The following PDE8B variants were observed in gnomAD, a reference collection of about 807,000 sequenced individuals.
PDE8B encodes phosphodiesterase 8B.
In PDE8B, 26 loss-of-function variants were observed where a neutral mutation model predicts 101.3. The observed-to-expected ratio is 0.26, with a 90% confidence interval of 0.19 to 0.36. PDE8B has a LOEUF of 0.36. Among genes scored for constraint, PDE8B ranks in the 10% least tolerant of loss-of-function variants. The probability of loss-of-function intolerance (pLI) is 1.00; values close to 1 mark genes in which losing one functional copy is unlikely to be tolerated. For synonymous variants in PDE8B, 424 were observed against 429.3 expected, an observed-to-expected ratio of 0.99 and a Z score of 0.15; for missense variants, 810 against 1,163.1, an observed-to-expected ratio of 0.70 and a Z score of 4.42.
chr5:77,150,523 A>G, the PDE8B span, among the ~76,000 whole-genome samples: 1 of 152,162 alleles, frequency 6.6e-6, no homozygotes, highest in Non-Finnish European at 1.5e-5. Context: ...AACCCAAACT[A>G]AGGCAGTTTG....
At chr5:77,127,761 GAGA>G in the PDE8B span, among the ~76,000 whole-genome samples, 2 of 152,074 alleles carry the variant, frequency 1.3e-5, no homozygotes, top group Admixed American at 6.5e-5. Context: ...CCCCAGCAAG[GAGA>G]AGAAGGCTGA....
At chr5:77,260,433 C>T (rs546112614) in intron 1 of PDE8B, among the ~76,000 whole-genome samples, 11 of 152,222 alleles carry the variant, frequency 7.2e-5, no homozygotes, top group African/African-American at 2.6e-4. Context: ...TATGCAAATA[C>T]TTCTGAAAAC....
intron 1 of PDE8B, among the ~76,000 whole-genome samples, chr5:77,285,376 G>A (rs973736032): frequency 2.0e-5 from 3 of 152,016 alleles, no homozygotes; most frequent in African/African-American, 7.2e-5. Flanking sequence ...AGATCTGTGG[G>A]CAATGAACTG....
At chr5:77,189,256 G>A in the PDE8B span, among the ~76,000 whole-genome samples, 17 of 152,280 alleles carry the variant, frequency 1.1e-4, no homozygotes, top group East Asian at 5.8e-4. Context: ...TAATTAGTGA[G>A]CATCTAATAT....
intron 13 of PDE8B, 32 bp from the exon 14 acceptor site, chr5:77,408,861 T>C: frequency 6.3e-7 from 1 of 1,574,928 alleles, no homozygotes; most frequent in Non-Finnish European, 8.7e-7. Flanking sequence ...AACCCTATTA[T>C]CCTCAGATGT....
At chr5:77,299,330 G>C (rs1769359268) in intron 1 of PDE8B, among the ~76,000 whole-genome samples, 1 of 151,614 alleles carries the variant, frequency 6.6e-6, no homozygotes, top group African/African-American at 2.4e-5. Flanking sequence ...GTGCAGGTTT[G>C]TTACATACGT....
chr5:77,125,742 A>G, the PDE8B span, among the ~76,000 whole-genome samples: 1 of 152,232 alleles, frequency 6.6e-6, no homozygotes, highest in Admixed American at 6.5e-5. Context: ...AATATGAAGT[A>G]CTTACAACAA....
At chr5:77,262,521 A>C (rs1233237642) in intron 1 of PDE8B, among the ~76,000 whole-genome samples, 1 of 152,262 alleles carries the variant, frequency 6.6e-6, no homozygotes, top group African/African-American at 2.4e-5. Flanking sequence ...TACTGCTGTC[A>C]CAAAAATTGA....
the PDE8B span, among the ~76,000 whole-genome samples, chr5:77,183,496 C>G: frequency 6.6e-6 from 1 of 152,142 alleles, no homozygotes; most frequent in African/African-American, 2.4e-5. Context: ...GGTGGTGGAG[C>G]TGAACCAGCC....
the PDE8B span, among the ~76,000 whole-genome samples, chr5:77,106,405 G>A: frequency 9.9e-5 from 15 of 152,258 alleles, no homozygotes; most frequent in African/African-American, 1.4e-4. Context: ...ACCATTTGCC[G>A]AAGCACCCCT....
chr5:77,100,569 C>T, the PDE8B span, among the ~76,000 whole-genome samples: 3 of 152,096 alleles, frequency 2.0e-5, no homozygotes, highest in Non-Finnish European at 2.9e-5. Flanking sequence ...AAGACAGATC[C>T]GGTGGGAGGG....
chr5:77,214,517 G>A (rs1238111269), intron 1 of PDE8B, among the ~76,000 whole-genome samples: 1 of 152,176 alleles, frequency 6.6e-6, no homozygotes, highest in Admixed American at 6.5e-5. Flanking sequence ...TAAATCTCCT[G>A]TAAAATGGTG....
At chr5:77,415,351 A>ATTTTTTTTTTTTTTTT (rs71606293) in intron 17 of PDE8B, among the ~76,000 whole-genome samples, 3 of 88,732 alleles carry the variant, frequency 3.4e-5, no homozygotes, top group Non-Finnish European at 4.1e-5. Flanking sequence ...ATAAGCTAAA[A>ATTTTTTTTTTTTTTTT]TTTTTTTTTT....
chr5:77,236,958 C>G (rs1407256040), intron 1 of PDE8B, among the ~76,000 whole-genome samples: 4 of 152,018 alleles, frequency 2.6e-5, no homozygotes, highest in African/African-American at 9.7e-5. Flanking sequence ...TTTTGAAGCT[C>G]CGTTGTTTGC....
intron 14 of PDE8B, among the ~76,000 whole-genome samples, chr5:77,410,188 T>C (rs955097935): frequency 1.3e-5 from 2 of 152,244 alleles, no homozygotes; most frequent in African/African-American, 2.4e-5. Context: ...GAAGCAGCAG[T>C]TGTACTGCAG....
intron 1 of PDE8B, among the ~76,000 whole-genome samples, chr5:77,303,386 A>T (rs1191124361): frequency 6.6e-6 from 1 of 152,046 alleles, no homozygotes; most frequent in Non-Finnish European, 1.5e-5. Context: ...CTAAAATACA[A>T]AAAATTAGCA....
the PDE8B span, among the ~76,000 whole-genome samples, chr5:77,129,630 C>A: frequency 0.16 from 24,415 of 152,148 alleles, 2,203 homozygotes; most frequent in East Asian, 0.33. Context: ...TCCTGTTTCA[C>A]AGTAATTTGC....
chr5:77,391,020 A>C (rs1426696063), intron 10 of PDE8B, among the ~76,000 whole-genome samples: 2 of 152,214 alleles, frequency 1.3e-5, no homozygotes, highest in East Asian at 3.8e-4. Flanking sequence ...CTGTGGAGCA[A>C]AGTTCATCCC....
chr5:77,378,612 CAGAG>C (rs1269451764), intron 10 of PDE8B, among the ~76,000 whole-genome samples: 1 of 152,102 alleles, frequency 6.6e-6, no homozygotes, highest in Non-Finnish European at 1.5e-5. Context: ...ATTCAGTAGT[CAGAG>C]AGCTTGCGAG....
Sources: gnomAD v4.1 joint callset for allele counts (sites outside exome capture counted in the v4.1 genomes callset) on GRCh38, gnomAD v4.1.1 for gene constraint, MANE v1.5 for transcripts, NCBI Gene and HGNC (gene_info 2026-07-23, HGNC 2026-07-21) for gene names.